ZC3H18: variants seen among roughly 807,000 people sequenced by gnomAD.
ZC3H18 encodes zinc finger CCCH-type containing 18.
In ZC3H18, 8 loss-of-function variants were observed where a neutral mutation model predicts 106.1. That is an observed-to-expected ratio of 0.08 (90% CI 0.04 to 0.14). The LOEUF (loss-of-function observed/expected upper bound fraction) is 0.14, where lower values mean the gene tolerates loss of function less well. Ranked by LOEUF, ZC3H18 falls within the 10% of genes least tolerant of loss-of-function variation. The probability of loss-of-function intolerance (pLI) is 1.00; values close to 1 mark genes in which losing one functional copy is unlikely to be tolerated. For synonymous variants in ZC3H18, 635 were observed against 522.1 expected (o/e 1.22, Z -2.95); for missense variants, 1,318 against 1,278.4 (o/e 1.03, Z -0.47).
At chr16:88,618,656 G>A (rs570731449) in intron 8 of ZC3H18, among the ~76,000 whole-genome samples, 2 of 152,306 alleles carry the variant, frequency 1.3e-5, no homozygotes, top group East Asian at 3.9e-4. Context: ...TGTTTGCATT[G>A]GTGGTGGAGC....
chr16:88,630,982 C>T (rs1178680207), intron 17 of ZC3H18, 119 bp from the exon 18 acceptor site: 44 of 1,274,746 alleles, frequency 3.5e-5, no homozygotes, highest in Non-Finnish European at 4.3e-5. Flanking sequence ...ATCCAGGGAG[C>T]CCCTTGCCTG....
At chr16:88,596,003 C>T (rs1012285286) in intron 3 of ZC3H18, among the ~76,000 whole-genome samples, 3 of 152,166 alleles carry the variant, frequency 2.0e-5, no homozygotes, top group African/African-American at 4.8e-5. Context: ...CCCAGCTAGA[C>T]GTGCAGACCA....
intron 6 of ZC3H18, among the ~76,000 whole-genome samples, chr16:88,605,400 A>T (rs992392278): frequency 4.1e-4 from 62 of 152,218 alleles, no homozygotes; most frequent in African/African-American, 1.5e-3. Flanking sequence ...GCAGGTGGGC[A>T]CCAGGTCGAC....
chr16:88,623,470 T>G, intron 10 of ZC3H18, 126 bp downstream of exon 10: 2 of 1,325,278 alleles, frequency 1.5e-6, no homozygotes, highest in Non-Finnish European at 2.0e-6. Context: ...GCAGCTGAAC[T>G]AGGATGGCCA....
intron 13 of ZC3H18, chr16:88,625,659 G>A: frequency 4.8e-6 from 1 of 208,376 alleles, no homozygotes; most frequent in Non-Finnish European, 9.8e-6. Context: ...GAACCGGCCT[G>A]AGGGGGTGGG....
At position 88,624,498 on chromosome 16, in the gene ZC3H18, G is replaced by A. The variant is rs188386689; in HGVS notation, c.1899-104G>A. 2.3e-5 allele frequency: 35 copies of A among 1,547,132 alleles called. No individual in the cohort carries two copies. The Middle Eastern group carries it at 6.8e-4, about 30-fold the overall frequency. On this transcript the variant is annotated intron_variant, in intron 11 of 17. Transcript: ENST00000301011. ...CGAGCGTGCTCACCGAGCGTCACAG[G>A]CATGCAGTGTCGTTCCCCGAGCTGT...
At chr16:88,613,111 G>A (rs977569659) in intron 8 of ZC3H18, among the ~76,000 whole-genome samples, 6 of 152,204 alleles carry the variant, frequency 3.9e-5, no homozygotes, top group Admixed American at 6.5e-5. Context: ...CATTCAGAAC[G>A]TTTTGTAGAA....
intron 2 of ZC3H18, among the ~76,000 whole-genome samples, chr16:88,578,394 T>C (rs1277890049): frequency 2.0e-5 from 3 of 152,214 alleles, no homozygotes; most frequent in Middle Eastern, 6.3e-3. Flanking sequence ...GGGGTTTTCT[T>C]AGCAGTTGAT....
intron 6 of ZC3H18, among the ~76,000 whole-genome samples, chr16:88,603,841 G>GC (rs1904876434): frequency 6.7e-6 from 1 of 148,204 alleles, no homozygotes; most frequent in Non-Finnish European, 1.5e-5. Flanking sequence ...CACCATGTTA[G>GC]CCAGGTTGGT....
At chr16:88,613,625 A>G (rs1490013399) in intron 8 of ZC3H18, among the ~76,000 whole-genome samples, 3 of 151,420 alleles carry the variant, frequency 2.0e-5, no homozygotes, top group Admixed American at 6.6e-5. Flanking sequence ...GTGCTTATCA[A>G]CCATTTGTAT....
At chr16:88,582,009 A>G (rs1915161667) in intron 2 of ZC3H18, among the ~76,000 whole-genome samples, 1 of 152,076 alleles carries the variant, frequency 6.6e-6, no homozygotes, top group Non-Finnish European at 1.5e-5. Flanking sequence ...TAGGGTTCCC[A>G]TTTTGTTCCA....
intron 13 of ZC3H18, chr16:88,626,815 C>G (rs1450583790): frequency 6.6e-6 from 1 of 152,236 alleles, no homozygotes; most frequent in African/African-American, 2.4e-5. Context: ...ACTCAGGTGC[C>G]AGTCCTGTGT....
Position 88,623,970 on chromosome 16 carries a change from C to T in ZC3H18, c.1806C>T (p.Phe602=), listed in dbSNP as rs371923506. The part of the protein sequence containing the change: ...FSGSRSRSRS[F]SSSPSPSPTP... ...TTCACTCCCCTAGGTCCCGGTCCTT[C>T]TCTTCGTCCCCGTCCCCGTCCCCAA... The change falls in exon 11 of 18, where the codon TTC becomes TTT. Residue 602 remains phenylalanine (F), a synonymous_variant. Transcript: ENST00000301011. The T allele has an allele frequency of 6.2e-7, 1 of 1,612,428 alleles. No homozygotes were observed. The highest frequency in any genetic ancestry group is 8.5e-7 in the Non-Finnish European group (1 of 1,178,818).
intron 3 of ZC3H18, among the ~76,000 whole-genome samples, chr16:88,589,198 G>A (rs1421152927): frequency 6.6e-6 from 1 of 152,222 alleles, no homozygotes; most frequent in East Asian, 1.9e-4. Context: ...ATATGGAGAT[G>A]TTGGAGCCCT....
chr16:88,605,508 C>T (rs1904969378), intron 6 of ZC3H18, among the ~76,000 whole-genome samples: 2 of 152,250 alleles, frequency 1.3e-5, no homozygotes, highest in Non-Finnish European at 1.5e-5. Flanking sequence ...TGGGTCTCTG[C>T]AGCAAGCAGG....
chr16:88,600,030 C>T, intron 6 of ZC3H18, 82 bp downstream of exon 6: 1 of 1,535,720 alleles, frequency 6.5e-7, no homozygotes, highest in Non-Finnish European at 8.8e-7. Flanking sequence ...TGCAGGGCCC[C>T]AGGGTGCGCT....
chr16:88,593,214 T>A (rs1337133831), intron 3 of ZC3H18, among the ~76,000 whole-genome samples: 1 of 152,168 alleles, frequency 6.6e-6, no homozygotes, highest in Non-Finnish European at 1.5e-5. Context: ...CCCCTTGACC[T>A]CCTGCCAATG....
At chr16:88,630,328 C>G (rs1231647910) in intron 16 of ZC3H18, 157 bp from the exon 17 acceptor site, 2 of 596,790 alleles carry the variant, frequency 3.4e-6, no homozygotes, top group African/African-American at 1.9e-5. Context: ...CTCTCTTCTC[C>G]TACTTGGCTC....
In ZC3H18 at chr16:88,608,973, T is replaced by C. The variant is rs760028906; in HGVS notation, c.1128T>C (p.Ile376=). 2 of 1,613,970 alleles carry C rather than the reference T, an allele frequency of 1.2e-6. No individual in the cohort carries two copies. The highest frequency in any genetic ancestry group is 8.5e-7 in the Non-Finnish European group (1 of 1,179,902). The stretch of plus-strand genomic sequence containing the variant: ...CAGACCCTTATTATGACTATGAAAT[T>C]GAGCGGTTTTGGCGTGGCGGACAGT... ...PYADPYYDYE[I]ERFWRGGQYE... is the part of the protein sequence containing the mutation. The change falls in exon 7 of 18, where the codon ATT becomes ATC. Residue 376 remains isoleucine (I), a synonymous_variant. Transcript: ENST00000301011.
Sources: allele counts gnomAD v4.1 joint callset (sites outside exome capture counted in the v4.1 genomes callset), GRCh38; gene constraint gnomAD v4.1.1; transcripts MANE v1.5; gene names NCBI Gene and HGNC (gene_info 2026-07-23, HGNC 2026-07-21).